The following ALK variants were observed in gnomAD, a reference collection of about 807,000 sequenced individuals.
ALK encodes ALK receptor tyrosine kinase.
Under a neutral mutation model 163.1 loss-of-function variants are expected in ALK, and 74 were observed. The ratio of observed to expected loss-of-function variants is 0.45; its 90% confidence interval spans 0.38 to 0.55. The LOEUF (loss-of-function observed/expected upper bound fraction) is 0.55, where lower values mean the gene tolerates loss of function less well. Among genes scored for constraint, ALK ranks in the 20% least tolerant of loss-of-function variants. The pLI, the probability that ALK is intolerant of heterozygous loss-of-function variation, is 0.00. For synonymous variants in ALK, 960 were observed against 843.2 expected (o/e 1.14, Z -2.40); for missense variants, 2,063 against 2,105.3 (o/e 0.98, Z 0.39).
At chr2:29,918,403 C>G (rs1378874665) in intron 1 of ALK, among the ~76,000 whole-genome samples, 2 of 152,226 alleles carry the variant, frequency 1.3e-5, no homozygotes, top group Non-Finnish European at 2.9e-5. Context: ...ACCACACAAA[C>G]CACAATGACA....
chr2:29,911,010 A>G (rs969779056), intron 1 of ALK, among the ~76,000 whole-genome samples: 1 of 152,158 alleles, frequency 6.6e-6, no homozygotes, highest in Admixed American at 6.5e-5. Flanking sequence ...AAAAATGACT[A>G]CTGGGGACTC....
chr2:29,795,404 C>G (rs1409548699), intron 1 of ALK, among the ~76,000 whole-genome samples: 1 of 152,132 alleles, frequency 6.6e-6, no homozygotes, highest in Non-Finnish European at 1.5e-5. Context: ...TTAAAAAACT[C>G]TCTAAAGGCA....
At chr2:29,430,423 G>T (rs1036675705) in intron 4 of ALK, among the ~76,000 whole-genome samples, 3 of 152,080 alleles carry the variant, frequency 2.0e-5, no homozygotes, top group Non-Finnish European at 4.4e-5. Context: ...TCTGTAAAAG[G>T]CCACATAGTC....
rs572872197 is a variant in ALK, at chr2:29,762,953, G to A, written c.668-45256C>T. ...AATACAAAAATTAGCTGAGCGTGGT[G>A]ATGTATGCCTATAGTCCTATCTACT... On this transcript the variant is annotated intron_variant, in intron 1 of 28. Transcript: ENST00000389048. Among the ~76,000 whole-genome samples, 3 of 152,166 alleles carry A rather than the reference G, an allele frequency of 2.0e-5. No individual in the cohort carries two copies. The East Asian group carries it at 5.8e-4, about 30-fold the overall frequency.
At chr2:29,600,774 G>A (rs1675360744) in intron 3 of ALK, among the ~76,000 whole-genome samples, 1 of 152,156 alleles carries the variant, frequency 6.6e-6, no homozygotes. Context: ...TAAGAGTTGG[G>A]GCATAAACAG....
At chr2:29,740,323 C>T (rs1474191199) in intron 1 of ALK, among the ~76,000 whole-genome samples, 7 of 151,624 alleles carry the variant, frequency 4.6e-5, no homozygotes, top group Admixed American at 3.3e-4. Flanking sequence ...AAAAAAGGAA[C>T]GGATGAAAGA....
chr2:29,572,516 GC>G (rs1258622948), intron 3 of ALK, among the ~76,000 whole-genome samples: 1 of 152,068 alleles, frequency 6.6e-6, no homozygotes, highest in African/African-American at 2.4e-5. Flanking sequence ...TGCCTGGTAT[GC>G]CCCCCTGACC....
At chr2:29,467,902 G>T (rs1226865890) in intron 4 of ALK, among the ~76,000 whole-genome samples, 1 of 152,014 alleles carries the variant, frequency 6.6e-6, no homozygotes, top group African/African-American at 2.4e-5. Context: ...CACCAATATT[G>T]TTATGTAACA....
At chr2:29,629,034 A>G (rs1676281849) in intron 3 of ALK, among the ~76,000 whole-genome samples, 1 of 152,168 alleles carries the variant, frequency 6.6e-6, no homozygotes, top group Admixed American at 6.6e-5. Context: ...AGGCAAAGCT[A>G]TCTGCTTTCT....
chr2:29,664,124 A>C (rs1214147796), intron 3 of ALK, among the ~76,000 whole-genome samples: 1 of 152,130 alleles, frequency 6.6e-6, no homozygotes, highest in African/African-American at 2.4e-5. Context: ...TCCAATTGCC[A>C]ATGTCTCTGA....
Position 29,419,522 on chromosome 2 carries a change from A to G in ALK, c.1155-35663T>C, listed in dbSNP as rs954077696. On this transcript the variant is annotated intron_variant, in intron 4 of 28. Transcript: ENST00000389048. ...ATATAGAAAGGTTACAGAATTGGGG[A>G]GGCCTGAAGATTGGCTAAAAATGTG... Among the ~76,000 whole-genome samples, 8 of 151,406 alleles carry G rather than the reference A, an allele frequency of 5.3e-5. 2 individuals are homozygous for G. Among genetic ancestry groups the G allele is most frequent in the African/African-American group, 2.0e-4 (8 of 40,726 alleles).
At chr2:29,673,060 G>A (rs1251385332) in intron 3 of ALK, among the ~76,000 whole-genome samples, 13 of 135,522 alleles carry the variant, frequency 9.6e-5, no homozygotes, top group Admixed American at 4.3e-4. Flanking sequence ...TGAGTTCATT[G>A]TAGATTCTGG....
rs1317999567 is a variant in ALK at position 29,921,420 on chromosome 2, A to C, written c.-761T>G. ...AGGGCGTTCAGGGCAGGGGCGCCCG[A>C]AATCTTGCCGCCCCCTCCTCACCCA... On this transcript the variant is annotated 5_prime_UTR_variant, in exon 1 of 29. Transcript: ENST00000389048. The C allele has an allele frequency of 8.6e-6, 2 of 232,248 alleles. No individual in the cohort carries two copies. The highest frequency in any genetic ancestry group is 1.1e-4 in the Admixed American group (2 of 17,762). The allele number at this position is 232,248 out of a possible 1,614,324, so 14.4% of individuals were successfully genotyped here.
chr2:29,357,450 G>GCACAT (rs1440826540), intron 5 of ALK, among the ~76,000 whole-genome samples: 2 of 152,130 alleles, frequency 1.3e-5, no homozygotes, highest in Non-Finnish European at 2.9e-5. Flanking sequence ...CCTTGACACA[G>GCACAT]CACATCATAC....
intron 4 of ALK, among the ~76,000 whole-genome samples, chr2:29,422,064 C>T (rs564430075): frequency 6.6e-6 from 1 of 151,558 alleles, no homozygotes; most frequent in African/African-American, 2.4e-5. Context: ...AGTGAGGCTC[C>T]CTGAGCTTTT....
intron 3 of ALK, among the ~76,000 whole-genome samples, chr2:29,569,563 T>C (rs1558388607): frequency 1.3e-5 from 1 of 76,010 alleles, no homozygotes; most frequent in Non-Finnish European, 2.6e-5. Flanking sequence ...TCCCTTTTCT[T>C]CCCCCCCCCT....
At chr2:29,361,555 G>A (rs539986099) in intron 5 of ALK, among the ~76,000 whole-genome samples, 1 of 152,346 alleles carries the variant, frequency 6.6e-6, no homozygotes, top group South Asian at 2.1e-4. Context: ...AAGCTGAGCT[G>A]TGGTTCTGAC....
chr2:29,830,713 TAAA>T lies in ALK; in HGVS notation c.667+89277_667+89279del, dbSNP rs530774574. 4.4e-3 allele frequency among the ~76,000 whole-genome samples: 126 copies of T among 28,906 alleles called. 1 individual carries two copies. Among genetic ancestry groups the T allele is most frequent in the Non-Finnish European group, 6.8e-3 (102 of 14,908 alleles). The allele number at this position is 28,906 out of a possible 152,430, so 19.0% of individuals were successfully genotyped here. ...GCAAGACCCTGTCTCTAAAATAGTT[TAAA>T]AAAAAAAAAAAAAAAAAAAAAAAAA... is the stretch of plus-strand genomic sequence containing the variant. On this transcript the variant is annotated intron_variant, in intron 1 of 28. Coordinates refer to ENST00000389048, the MANE Select transcript of ALK (RefSeq NM_004304.5).
At position 29,548,402 on chromosome 2, in the gene ALK, G is replaced by A. The variant is rs1339238228; in HGVS notation, c.953-16286C>T. 5.3e-5 allele frequency among the ~76,000 whole-genome samples: 8 copies of A among 152,152 alleles called. No homozygotes were observed. The East Asian group carries it at 1.5e-3, about 29-fold the overall frequency. The stretch of plus-strand genomic sequence containing the variant: ...GCAGGAGAATCGCTTGAACCCGGAA[G>A]GTGGAAGTTGCAGTGAGCCAAGATC... On this transcript the variant is annotated intron_variant, in intron 3 of 28. Coordinates refer to ENST00000389048, the MANE Select transcript of ALK (RefSeq NM_004304.5).
Sources: gnomAD v4.1 joint callset for allele counts (sites outside exome capture counted in the v4.1 genomes callset) on GRCh38, gnomAD v4.1.1 for gene constraint, MANE v1.5 for transcripts, NCBI Gene and HGNC (gene_info 2026-07-23, HGNC 2026-07-21) for gene names.